SLC35F1: variants seen among roughly 807,000 people sequenced by gnomAD.
SLC35F1 encodes solute carrier family 35 member F1.
SLC35F1 carries 14 observed loss-of-function variants against 48.7 expected under a neutral mutation model. The observed-to-expected ratio is 0.29, with a 90% CI of 0.19 to 0.45. SLC35F1 has a LOEUF of 0.45. Among genes scored for constraint, SLC35F1 ranks in the 20% least tolerant of loss-of-function variants. SLC35F1 has a pLI of 1.00. For missense variants in SLC35F1, 404 were observed against 500.0 expected (o/e 0.81, Z 1.83); for synonymous variants, 190 against 202.2 (o/e 0.94, Z 0.51).
intron 1 of SLC35F1, among the ~76,000 whole-genome samples, chr6:117,940,801 G>A (rs915923149): frequency 3.9e-5 from 6 of 151,902 alleles, no homozygotes; most frequent in Non-Finnish European, 8.8e-5. Flanking sequence ...AGCACATGCC[G>A]CCACACCCAT....
chr6:118,290,653 T>C (rs978412723), intron 7 of SLC35F1, among the ~76,000 whole-genome samples: 4 of 152,176 alleles, frequency 2.6e-5, no homozygotes, highest in Admixed American at 1.3e-4. Flanking sequence ...GGAAAATTCA[T>C]GTTTCATCCT....
At chr6:118,059,764 A>G (rs929456977) in intron 1 of SLC35F1, among the ~76,000 whole-genome samples, 1 of 152,222 alleles carries the variant, frequency 6.6e-6, no homozygotes, top group African/African-American at 2.4e-5. Context: ...AAGGAAACAG[A>G]GAATCTCAAA....
rs867017299 is a variant in SLC35F1 at position 118,040,520 on chromosome 6, G to A, written c.174-113925G>A. 3.3e-5 allele frequency among the ~76,000 whole-genome samples: 5 copies of A among 152,230 alleles called. No individual in the cohort carries two copies. In the Middle Eastern group the frequency reaches 0.014, roughly 414 times the overall value. ...TCTGTAAAGAACAAAACAGTGATAG[G>A]ATAGCATGAGTACCAAGCCTACTTC... On this transcript the variant is annotated intron_variant, in intron 1 of 7. Transcript: ENST00000360388.
chr6:118,277,519 T>C lies in SLC35F1; in HGVS notation c.820T>C (p.Leu274=), dbSNP rs767093134. ...QLAIMEHKEL[L]KVPWDWQIGL... Reference sequence around the variant, plus strand: ...AGCTATAATGGAGCATAAGGAACTGTTGAAGGTGCCCTGGGACTGGCAAAT... The same window carrying C: ...AGCTATAATGGAGCATAAGGAACTGCTGAAGGTGCCCTGGGACTGGCAAAT... The change falls in exon 6 of 8, where the codon TTG becomes CTG. Residue 274 remains leucine, a synonymous_variant. Transcript: ENST00000360388. The C allele has an allele frequency of 3.7e-6, 6 of 1,613,976 alleles. No homozygotes were observed. The highest frequency in any genetic ancestry group is 1.6e-4 in the Middle Eastern group (1 of 6,080).
At chr6:118,088,622 G>T (rs767568789) in intron 1 of SLC35F1, among the ~76,000 whole-genome samples, 6 of 152,032 alleles carry the variant, frequency 3.9e-5, no homozygotes, top group Non-Finnish European at 8.8e-5. Context: ...AAATAAATAG[G>T]ACGTCTTAAA....
chr6:117,924,516 A>ATGTATATACGTATATACATATG (rs1326649482), intron 1 of SLC35F1, among the ~76,000 whole-genome samples: 2 of 101,446 alleles, frequency 2.0e-5, no homozygotes, highest in East Asian at 2.7e-4. Context: ...GTATATACAT[A>ATGTATATACGTATATACATATG]TATATATGTC....
intron 7 of SLC35F1, among the ~76,000 whole-genome samples, chr6:118,311,650 G>A (rs941492869): frequency 2.0e-5 from 3 of 152,174 alleles, no homozygotes; most frequent in Admixed American, 6.5e-5. Context: ...AATTAGCCAC[G>A]CATGGTGGCA....
chr6:118,267,775 A>T (rs531242289), intron 4 of SLC35F1, among the ~76,000 whole-genome samples: 1 of 152,188 alleles, frequency 6.6e-6, no homozygotes, highest in African/African-American at 2.4e-5. Context: ...GAGTTTATAA[A>T]CCCATAAGGT....
At position 118,035,945 on chromosome 6, in the gene SLC35F1, G is replaced by A. The variant is rs1049340909; in HGVS notation, c.174-118500G>A. On this transcript the variant is annotated intron_variant, in intron 1 of 7. Transcript: ENST00000360388. ...CTGACCTCATGATCCGCCCGCCTCGGCCTCCCAAAGTGCTGGAATTACAGG... is the reference window on the plus strand; with the variant it reads ...CTGACCTCATGATCCGCCCGCCTCGACCTCCCAAAGTGCTGGAATTACAGG... Among the ~76,000 whole-genome samples the A allele has an allele frequency of 5.3e-5, 8 of 151,898 alleles. No homozygotes were observed. The East Asian group carries it at 1.2e-3, about 22-fold the overall frequency.
intron 3 of SLC35F1, among the ~76,000 whole-genome samples, chr6:118,245,567 C>T (rs2114596661): frequency 6.6e-6 from 1 of 152,312 alleles, no homozygotes; most frequent in East Asian, 1.9e-4. Flanking sequence ...ACTGCTCCCA[C>T]CTGCGCTTGA....
chr6:117,969,500 G>A (rs1776612460), intron 1 of SLC35F1, among the ~76,000 whole-genome samples: 1 of 152,182 alleles, frequency 6.6e-6, no homozygotes, highest in Non-Finnish European at 1.5e-5. Context: ...CAAGGAGGTA[G>A]GATCGCTTGA....
At chr6:117,994,263 A>G (rs2225960) in intron 1 of SLC35F1, among the ~76,000 whole-genome samples, 151,312 of 152,182 alleles carry the variant, frequency 0.99, 75,228 homozygotes, top group Middle Eastern at 1. Flanking sequence ...AAATCTCTTT[A>G]ACTTTCCTTT....
intron 1 of SLC35F1, among the ~76,000 whole-genome samples, chr6:118,020,302 G>T (rs145521537): frequency 5.6e-4 from 86 of 152,230 alleles, no homozygotes; most frequent in African/African-American, 1.7e-3. Flanking sequence ...CTTTCTCAGA[G>T]ACACCATTAT....
At chr6:118,090,048 A>G (rs1582660353) in intron 1 of SLC35F1, among the ~76,000 whole-genome samples, 1 of 152,322 alleles carries the variant, frequency 6.6e-6, no homozygotes, top group East Asian at 1.9e-4. Flanking sequence ...TAATTCTGAG[A>G]CTGAGTAAGA....
chr6:118,254,764 T>G (rs1775620962), intron 3 of SLC35F1, among the ~76,000 whole-genome samples: 1 of 152,216 alleles, frequency 6.6e-6, no homozygotes, highest in South Asian at 2.1e-4. Flanking sequence ...TCCTTCAATA[T>G]GTGCTTTGAA....
rs768638041 is a variant in SLC35F1, at chr6:118,267,033, C to G, written c.516C>G (p.Leu172=). ...DCFVIPVVIL[L]SWFFLLIRYK... Reference sequence around the variant, plus strand: ...TTGTGATCCCAGTCGTGATTTTGCTCTCCTGGTTCTTCCTGCTGATCCGGT... The same window carrying G: ...TTGTGATCCCAGTCGTGATTTTGCTGTCCTGGTTCTTCCTGCTGATCCGGT... The change falls in exon 4 of 8, where the codon CTC becomes CTG. Residue 172 remains leucine, a synonymous_variant. Coordinates refer to ENST00000360388, the MANE Select transcript of SLC35F1 (RefSeq NM_001029858.4). 5.6e-5 allele frequency: 90 copies of G among 1,614,026 alleles called. 1 individual carries two copies. Among genetic ancestry groups the G allele is most frequent in the Non-Finnish European group, 7.5e-5 (89 of 1,179,918 alleles).
chr6:118,217,155 A>G (rs1775086740), intron 2 of SLC35F1, among the ~76,000 whole-genome samples: 1 of 152,216 alleles, frequency 6.6e-6, no homozygotes, highest in Non-Finnish European at 1.5e-5. Context: ...AAGGACTGAA[A>G]TCAGAGACTT....
chr6:118,227,824 G>T (rs532359090), intron 2 of SLC35F1, among the ~76,000 whole-genome samples: 1 of 152,288 alleles, frequency 6.6e-6, no homozygotes, highest in East Asian at 1.9e-4. Flanking sequence ...ATTTAGACTG[G>T]ATCTTGAAGG....
intron 1 of SLC35F1, among the ~76,000 whole-genome samples, chr6:118,022,415 G>T (rs1395636154): frequency 6.6e-6 from 1 of 152,166 alleles, no homozygotes; most frequent in Non-Finnish European, 1.5e-5. Context: ...CAAGAAGGAA[G>T]ACCAAGTGTC....
Sources: gnomAD v4.1 joint callset for allele counts (sites outside exome capture counted in the v4.1 genomes callset) on GRCh38, gnomAD v4.1.1 for gene constraint, MANE v1.5 for transcripts, NCBI Gene and HGNC (gene_info 2026-07-23, HGNC 2026-07-21) for gene names.